Variants in SPAG16 observed in about 807,000 individuals in gnomAD.
The protein encoded by SPAG16 is sperm-associated antigen 16 protein.
A neutral mutation model predicts 80.4 loss-of-function variants in SPAG16; 86 were observed. The ratio of observed to expected loss-of-function variants is 1.07; its 90% CI spans 0.90 to 1.28. The LOEUF (loss-of-function observed/expected upper bound fraction) is 1.28, where lower values mean the gene tolerates loss of function less well. Ranked by LOEUF, SPAG16 falls within the 50% of genes most tolerant of loss-of-function variation. The pLI, the probability that SPAG16 is intolerant of heterozygous loss-of-function variation, is 0.00. For missense variants in SPAG16, 870 were observed against 765.3 expected, an observed-to-expected ratio of 1.14 and a Z score of -1.61; for synonymous variants, 294 against 265.9, an observed-to-expected ratio of 1.11 and a Z score of -1.03.
chr2:214,395,091 G>A (rs557023836), intron 15 of SPAG16, among the ~76,000 whole-genome samples: 90 of 152,080 alleles, frequency 5.9e-4, no homozygotes, highest in Non-Finnish European at 1.0e-3. Flanking sequence ...GATGTACCAC[G>A]CTTTATTAAT....
chr2:214,118,919 A>C (rs1405404499), intron 14 of SPAG16, among the ~76,000 whole-genome samples: 1 of 152,170 alleles, frequency 6.6e-6, no homozygotes, highest in East Asian at 1.9e-4. Context: ...TAAAGAAAAA[A>C]ACTGGAGGTA....
intron 15 of SPAG16, among the ~76,000 whole-genome samples, chr2:214,278,473 G>A (rs1692645865): frequency 6.6e-6 from 1 of 152,090 alleles, no homozygotes; most frequent in African/African-American, 2.4e-5. Flanking sequence ...CTCTTTCAAG[G>A]TATGAAAGAT....
intron 12 of SPAG16, among the ~76,000 whole-genome samples, chr2:214,005,357 C>T (rs552541595): frequency 3.3e-5 from 5 of 152,280 alleles, no homozygotes; most frequent in Non-Finnish European, 4.4e-5. Flanking sequence ...AGATCCTGCC[C>T]GTGTTCCAGG....
intron 9 of SPAG16, among the ~76,000 whole-genome samples, chr2:213,376,925 T>C (rs2066908444): frequency 6.6e-6 from 1 of 152,176 alleles, no homozygotes; most frequent in Non-Finnish European, 1.5e-5. Context: ...ATTTCTCTTT[T>C]ATAAACAGTC....
At chr2:213,949,980 A>G (rs567236070) in intron 12 of SPAG16, among the ~76,000 whole-genome samples, 27 of 152,194 alleles carry the variant, frequency 1.8e-4, no homozygotes, top group Non-Finnish European at 2.8e-4. Flanking sequence ...AGAAAAATCT[A>G]TAATGTAGGA....
intron 15 of SPAG16, among the ~76,000 whole-genome samples, chr2:214,393,956 GA>G (rs1701223180): frequency 6.6e-6 from 1 of 152,182 alleles, no homozygotes; most frequent in Non-Finnish European, 1.5e-5. Flanking sequence ...TAATCAATGT[GA>G]AGCAGATGGT....
intron 10 of SPAG16, among the ~76,000 whole-genome samples, chr2:213,650,867 G>A (rs1396636790): frequency 6.6e-6 from 1 of 152,102 alleles, no homozygotes; most frequent in Non-Finnish European, 1.5e-5. Flanking sequence ...CTAATTTTCA[G>A]GGTTCCATTT....
chr2:214,037,265 T>G (rs2125074038), intron 13 of SPAG16, among the ~76,000 whole-genome samples: 1 of 152,122 alleles, frequency 6.6e-6, no homozygotes, highest in East Asian at 1.9e-4. Context: ...GTTTAGAAAT[T>G]CTTTAAATTT....
Position 213,296,070 on chromosome 2 carries a change from C to T in SPAG16, c.143C>T (p.Thr48Ile), listed in dbSNP as rs2126069729. 7 of 1,609,350 alleles carry T rather than the reference C, an allele frequency of 4.3e-6. No homozygotes were observed. The highest frequency in any genetic ancestry group is 2.2e-5 in the East Asian group (1 of 44,648). ...AACTTGACAAGATATTCAGAGGTCACCATAACTGAAGCATCTGAAGATGAC... is the reference window on the plus strand; with the variant it reads ...AACTTGACAAGATATTCAGAGGTCATCATAACTGAAGCATCTGAAGATGAC... ...AEGAYYLEQV[T>I]ITEASEDDYE... Residue 48 changes from threonine to isoleucine, a missense_variant, in exon 2 of 16, where the codon ACC (threonine) becomes ATC (isoleucine). Thr to Ile is a moderately conservative substitution (Grantham distance 89). Coordinates refer to ENST00000331683, the MANE Select transcript of SPAG16 (RefSeq NM_024532.5).
At chr2:213,680,673 T>C (rs577871919) in intron 10 of SPAG16, among the ~76,000 whole-genome samples, 1 of 152,314 alleles carries the variant, frequency 6.6e-6, no homozygotes, top group African/African-American at 2.4e-5. Flanking sequence ...AGTCAAACTC[T>C]GTAAAATATT....
intron 11 of SPAG16, among the ~76,000 whole-genome samples, chr2:213,918,212 A>G (rs1468229132): frequency 6.6e-6 from 1 of 152,144 alleles, no homozygotes; most frequent in Non-Finnish European, 1.5e-5. Flanking sequence ...TTCATCAAAG[A>G]TATTGGCCTG....
intron 3 of SPAG16, among the ~76,000 whole-genome samples, chr2:213,299,989 A>G (rs1420544360): frequency 3.9e-5 from 6 of 152,172 alleles, no homozygotes; most frequent in Non-Finnish European, 8.8e-5. Context: ...CTCCCCTTCT[A>G]AATTCTGAGC....
At chr2:213,850,547 G>A (rs1159937797) in intron 10 of SPAG16, among the ~76,000 whole-genome samples, 1 of 152,198 alleles carries the variant, frequency 6.6e-6, no homozygotes. Flanking sequence ...TGGCCTGCCT[G>A]TATGGCATTT....
chr2:213,354,902 C>T (rs1219751566), intron 7 of SPAG16, among the ~76,000 whole-genome samples: 2 of 152,046 alleles, frequency 1.3e-5, no homozygotes, highest in African/African-American at 4.8e-5. Flanking sequence ...CTTTTGTTGC[C>T]ATTGCTTTTG....
intron 1 of SPAG16, 64 bp from the exon 2 acceptor site, chr2:213,296,000 A>G (rs2062480321): frequency 1.4e-6 from 2 of 1,399,618 alleles, no homozygotes; most frequent in Non-Finnish European, 2.0e-6. Flanking sequence ...TGAAGGTCAA[A>G]TCAATTTTTG....
intron 10 of SPAG16, among the ~76,000 whole-genome samples, chr2:213,635,237 A>C (rs368984115): frequency 6.6e-6 from 1 of 151,910 alleles, no homozygotes; most frequent in Non-Finnish European, 1.5e-5. Flanking sequence ...GGGTTTCACC[A>C]TGCTAGCCAG....
intron 11 of SPAG16, among the ~76,000 whole-genome samples, chr2:213,912,605 A>G (rs2077725149): frequency 6.6e-6 from 1 of 152,158 alleles, no homozygotes; most frequent in Admixed American, 6.5e-5. Context: ...ATTAACCAAT[A>G]TCAAGCATTC....
At chr2:213,869,297 A>ATATCTATG (rs1559538332) in intron 11 of SPAG16, among the ~76,000 whole-genome samples, 80 of 124,882 alleles carry the variant, frequency 6.4e-4, no homozygotes, top group Admixed American at 1.4e-3. Context: ...ATATATGTAT[A>ATATCTATG]TATATATATA....
chr2:213,658,358 T>A (rs2063298265), intron 10 of SPAG16, among the ~76,000 whole-genome samples: 2 of 152,156 alleles, frequency 1.3e-5, no homozygotes, highest in South Asian at 4.1e-4. Flanking sequence ...TCCAACTAGA[T>A]CAGGCTTCCT....
Sources: gnomAD v4.1 joint callset for allele counts (sites outside exome capture counted in the v4.1 genomes callset) on GRCh38, gnomAD v4.1.1 for gene constraint, MANE v1.5 for transcripts, NCBI Gene and HGNC (gene_info 2026-07-23, HGNC 2026-07-21) for gene names.